Variants in SNTG2 observed in about 807,000 individuals in gnomAD.
The protein encoded by SNTG2 is gamma-2-syntrophin.
Under a neutral mutation model 70.9 loss-of-function variants are expected in SNTG2, and 74 were observed. That is an observed-to-expected ratio of 1.04 (90% CI 0.86 to 1.27). SNTG2 has a LOEUF of 1.27. SNTG2 is among the 50% of genes most tolerant of loss of function. SNTG2 has a pLI of 0.00. For missense variants in SNTG2, 717 were observed against 690.7 expected (o/e 1.04, Z -0.43); for synonymous variants, 278 against 273.8 (o/e 1.02, Z -0.15).
At chr2:1,154,838 C>A (rs1237132843) in intron 6 of SNTG2, among the ~76,000 whole-genome samples, 1 of 151,718 alleles carries the variant, frequency 6.6e-6, no homozygotes, top group East Asian at 1.9e-4. Flanking sequence ...CACATATACA[C>A]ACACACAAAC....
At chr2:1,216,240 T>C (rs1674383791) in intron 9 of SNTG2, among the ~76,000 whole-genome samples, 1 of 151,860 alleles carries the variant, frequency 6.6e-6, no homozygotes, top group African/African-American at 2.4e-5. Flanking sequence ...TTTTAATGAT[T>C]GCCATTCTAA....
At chr2:1,004,952 T>A (rs2147991249) in intron 1 of SNTG2, among the ~76,000 whole-genome samples, 1 of 152,146 alleles carries the variant, frequency 6.6e-6, no homozygotes, top group South Asian at 2.1e-4. Context: ...CTTCAGAAGG[T>A]GAATGGAGAA....
intron 16 of SNTG2, among the ~76,000 whole-genome samples, chr2:1,352,042 G>A (rs1418158224): frequency 2.0e-5 from 3 of 152,138 alleles, no homozygotes; most frequent in African/African-American, 7.2e-5. Flanking sequence ...AGTGGTACCA[G>A]CAGAGTCCCC....
chr2:1,031,522 A>ATT, intron 1 of SNTG2, among the ~76,000 whole-genome samples: 1 of 47,766 alleles, frequency 2.1e-5, no homozygotes, highest in Non-Finnish European at 4.0e-5. Flanking sequence ...ATATATATAT[A>ATT]TATATATTTT....
rs1553361627 is a variant in SNTG2 at position 1,221,851 on chromosome 2, CTG to C, written c.719+12623_719+12624del. 1.2e-4 allele frequency among the ~76,000 whole-genome samples: 3 copies of C among 24,386 alleles called. 1 individual carries two copies. The highest frequency in any genetic ancestry group is 2.0e-4 in the Non-Finnish European group (3 of 15,082). The allele number at this position is 24,386 out of a possible 152,430, so 16.0% of individuals were successfully genotyped here. A position where few individuals can be genotyped will look rare whatever the true frequency, so the allele number is the denominator to read the frequency against. ...TCTCTGTCTCTCTCTGTCTCTGTCTCTGTCTCTGTCTCTGTCTCTCTCTCTCT... is the reference window on the plus strand; with the variant it reads ...TCTCTGTCTCTCTCTGTCTCTGTCTCTCTCTGTCTCTGTCTCTCTCTCTCT... On this transcript the variant is annotated intron_variant, in intron 9 of 16. Coordinates refer to ENST00000308624, the MANE Select transcript of SNTG2 (RefSeq NM_018968.4).
chr2:1,076,618 T>A (rs1373674003), intron 1 of SNTG2, among the ~76,000 whole-genome samples: 1 of 152,206 alleles, frequency 6.6e-6, no homozygotes, highest in Non-Finnish European at 1.5e-5. Flanking sequence ...ATCAGTGTGC[T>A]ATGCTTCCAA....
At chr2:1,345,671 G>C (rs1660235497) in intron 16 of SNTG2, among the ~76,000 whole-genome samples, 1 of 49,136 alleles carries the variant, frequency 2.0e-5, no homozygotes, top group African/African-American at 5.5e-5. Flanking sequence ...TTCTGGGCAC[G>C]CCTGGCCCAG....
At chr2:964,826 T>C (rs1558282038) in intron 1 of SNTG2, among the ~76,000 whole-genome samples, 8 of 152,114 alleles carry the variant, frequency 5.3e-5, no homozygotes, top group Admixed American at 5.2e-4. Flanking sequence ...CTCGGTTCCA[T>C]GCTTGGGGTA....
At chr2:1,106,244 C>G (rs1411543663) in intron 4 of SNTG2, among the ~76,000 whole-genome samples, 2 of 114,180 alleles carry the variant, frequency 1.8e-5, no homozygotes, top group Non-Finnish European at 3.6e-5. Context: ...TGCTGTCACT[C>G]GGGTGCAGGG....
intron 1 of SNTG2, among the ~76,000 whole-genome samples, chr2:1,079,053 G>A (rs1664106397): frequency 6.6e-6 from 1 of 152,220 alleles, no homozygotes; most frequent in Non-Finnish European, 1.5e-5. Flanking sequence ...TTATTTCCAA[G>A]AAATGTGTCA....
intron 9 of SNTG2, among the ~76,000 whole-genome samples, chr2:1,227,146 T>G (rs1280773227): frequency 1.3e-5 from 2 of 152,260 alleles, no homozygotes; most frequent in Non-Finnish European, 2.9e-5. Context: ...CTGAAAGAGG[T>G]TCTGCGGTGT....
intron 4 of SNTG2, among the ~76,000 whole-genome samples, chr2:1,104,472 A>G (rs1174927557): frequency 6.6e-6 from 1 of 152,228 alleles, no homozygotes; most frequent in Non-Finnish European, 1.5e-5. Flanking sequence ...AACACTTTGT[A>G]TCAAGCTTTC....
intron 14 of SNTG2, among the ~76,000 whole-genome samples, chr2:1,299,775 G>C (rs1680369732): frequency 6.6e-6 from 1 of 152,190 alleles, no homozygotes; most frequent in African/African-American, 2.4e-5. Flanking sequence ...CCCGTCCTCT[G>C]TGCCTTTGGC....
At chr2:1,350,980 A>G (rs1040931127) in intron 16 of SNTG2, among the ~76,000 whole-genome samples, 2 of 151,952 alleles carry the variant, frequency 1.3e-5, no homozygotes, top group Admixed American at 6.5e-5. Context: ...TTTACTCTCA[A>G]TATCAAGTTT....
At chr2:1,151,569 T>C (rs539780663) in intron 6 of SNTG2, among the ~76,000 whole-genome samples, 2 of 152,336 alleles carry the variant, frequency 1.3e-5, no homozygotes, top group South Asian at 4.1e-4. Flanking sequence ...CGCCCCTTGC[T>C]TGTGACCTCT....
At chr2:975,378 C>T (rs745362181) in intron 1 of SNTG2, among the ~76,000 whole-genome samples, 37 of 152,116 alleles carry the variant, frequency 2.4e-4, no homozygotes, top group Non-Finnish European at 4.3e-4. Flanking sequence ...GCAAACAACA[C>T]GTGCTTGCAC....
At chr2:1,019,739 G>A (rs751975056) in intron 1 of SNTG2, among the ~76,000 whole-genome samples, 11 of 152,212 alleles carry the variant, frequency 7.2e-5, no homozygotes, top group Non-Finnish European at 1.2e-4. Context: ...ATGCGAGGTG[G>A]GCGACCTGGT....
intron 16 of SNTG2, among the ~76,000 whole-genome samples, chr2:1,338,880 T>C (rs1004042285): frequency 1.3e-5 from 2 of 152,000 alleles, no homozygotes; most frequent in African/African-American, 2.4e-5. Flanking sequence ...GGAATACCCA[T>C]GGGAGTGAAT....
chr2:1,213,996 A>T (rs1049923488), intron 9 of SNTG2, among the ~76,000 whole-genome samples: 1 of 152,212 alleles, frequency 6.6e-6, no homozygotes, highest in African/African-American at 2.4e-5. Context: ...AACACCATAT[A>T]TGGAAGAGAC....
Sources: gnomAD v4.1 joint callset for allele counts (sites outside exome capture counted in the v4.1 genomes callset) on GRCh38, gnomAD v4.1.1 for gene constraint, MANE v1.5 for transcripts, NCBI Gene and HGNC (gene_info 2026-07-23, HGNC 2026-07-21) for gene names.